Variants in DAB1 observed in about 807,000 individuals in gnomAD.
DAB1 encodes DAB adaptor protein 1.
DAB1 carries 15 observed loss-of-function variants against 64.6 expected under a neutral mutation model. That is an observed-to-expected ratio of 0.23 (90% confidence interval 0.16 to 0.36). The LOEUF (loss-of-function observed/expected upper bound fraction) is 0.36, where lower values mean the gene tolerates loss of function less well. DAB1 is among the 10% of genes least tolerant of loss of function. The pLI is 1.00. For missense variants in DAB1, 596 were observed against 706.7 expected, an observed-to-expected ratio of 0.84 and a Z score of 1.78; for synonymous variants, 235 against 251.9, an observed-to-expected ratio of 0.93 and a Z score of 0.64.
intron 5 of DAB1, among the ~76,000 whole-genome samples, chr1:58,007,114 C>T (rs183650045): frequency 2.0e-5 from 3 of 152,250 alleles, no homozygotes; most frequent in Admixed American, 6.5e-5. Flanking sequence ...ACAATTCAAG[C>T]GCTTTCTTTT....
At chr1:57,027,862 C>G (rs1433911562) in intron 9 of DAB1, among the ~76,000 whole-genome samples, 1 of 152,160 alleles carries the variant, frequency 6.6e-6, no homozygotes, top group Admixed American at 6.5e-5. Context: ...TTCTTTCCAG[C>G]TGCACAATAA....
At position 57,877,554 on chromosome 1, in the gene DAB1, T is replaced by A. The variant is rs200877917; in HGVS notation, n.87+6445A>T. On this transcript the variant is annotated intron_variant and non_coding_transcript_variant, in intron 1 of 1. Coordinates refer to the DAB1 transcript ENST00000477280. The stretch of plus-strand genomic sequence containing the variant: ...AAATCCTAATTGATTTATTTTTTTT[T>A]TTTTTTTTTTTTTTTTTGAGACGGA... Among the ~76,000 whole-genome samples the A allele has an allele frequency of 0.012, 284 of 23,486 alleles. 77 individuals carry two copies. The East Asian group carries it at 0.14, about 12-fold the overall frequency. The allele number at this position is 23,486 out of a possible 152,430, so 15.4% of individuals were successfully genotyped here.
intron 3 of DAB1, among the ~76,000 whole-genome samples, chr1:58,502,022 C>T (rs996551071): frequency 4.6e-5 from 7 of 151,506 alleles, no homozygotes; most frequent in Non-Finnish European, 1.0e-4. Flanking sequence ...CTATTTATTT[C>T]ACATCACCTA....
At chr1:57,138,192 T>G (rs1658291982) in intron 3 of DAB1, among the ~76,000 whole-genome samples, 1 of 152,198 alleles carries the variant, frequency 6.6e-6, no homozygotes. Context: ...CCATTCATTC[T>G]CAAGCACGTC....
chr1:58,252,847 C>T (rs1186407781), intron 4 of DAB1, among the ~76,000 whole-genome samples: 3 of 152,178 alleles, frequency 2.0e-5, no homozygotes, highest in Non-Finnish European at 2.9e-5. Flanking sequence ...AAGCACTTAT[C>T]CAATTGAGAC....
intron 6 of DAB1, among the ~76,000 whole-genome samples, chr1:57,747,653 C>G (rs984811487): frequency 2.6e-5 from 4 of 151,502 alleles, no homozygotes; most frequent in Non-Finnish European, 5.9e-5. Flanking sequence ...ACTAAAAATA[C>G]AAAAAATTAG....
intron 3 of DAB1, among the ~76,000 whole-genome samples, chr1:58,490,777 G>A (rs1645667725): frequency 6.6e-6 from 1 of 150,792 alleles, no homozygotes; most frequent in African/African-American, 2.4e-5. Flanking sequence ...AAGAGAGTGG[G>A]GGCCAATAGT....
intron 7 of DAB1, among the ~76,000 whole-genome samples, chr1:57,490,836 G>A (rs1644153834): frequency 6.6e-6 from 1 of 152,200 alleles, no homozygotes. Flanking sequence ...AAGGTAGAGA[G>A]TTGATACAAA....
intron 4 of DAB1, among the ~76,000 whole-genome samples, chr1:58,310,947 A>C (rs1202990713): frequency 1.3e-5 from 2 of 151,764 alleles, no homozygotes; most frequent in African/African-American, 2.4e-5. Flanking sequence ...CAGGTGAAAA[A>C]CACTCCCTCT....
At chr1:58,042,576 G>A (rs1557623144) in intron 5 of DAB1, among the ~76,000 whole-genome samples, 3 of 152,176 alleles carry the variant, frequency 2.0e-5, no homozygotes, top group South Asian at 4.1e-4. Context: ...AAACACAAAG[G>A]AAAAGGAGGG....
chr1:57,983,754 C>G (rs899310305), intron 5 of DAB1, among the ~76,000 whole-genome samples: 3 of 152,170 alleles, frequency 2.0e-5, no homozygotes, highest in Non-Finnish European at 4.4e-5. Context: ...TTTCTAAAAT[C>G]TCCTTGCAGA....
chr1:58,507,072 G>C (rs1448247545), intron 2 of DAB1, among the ~76,000 whole-genome samples: 1 of 151,798 alleles, frequency 6.6e-6, no homozygotes, highest in Non-Finnish European at 1.5e-5. Flanking sequence ...AGTGGAGAGG[G>C]AGCAACACTT....
intron 6 of DAB1, among the ~76,000 whole-genome samples, chr1:57,816,979 C>T (rs552887215): frequency 4.9e-4 from 74 of 152,230 alleles, no homozygotes; most frequent in African/African-American, 1.6e-3. Flanking sequence ...TCCCTCAAGA[C>T]GAAATTATCT....
rs528921142 is a variant in DAB1, at chr1:57,121,222, G to A, written c.306+15321C>T. On this transcript the variant is annotated intron_variant, in intron 4 of 14. Coordinates refer to ENST00000371236, the MANE Select transcript of DAB1 (RefSeq NM_001365792.1). ...AGAAGGAGAAGAAGGAGAAGGAGGG[G>A]AAGGGGAAGAAGAAGAGGAAGAGGA... Among the ~76,000 whole-genome samples the A allele has an allele frequency of 4.3e-4, 65 of 151,094 alleles. 1 individual carries two copies. The highest frequency in any genetic ancestry group is 9.8e-4 in the East Asian group (5 of 5,126).
intron 2 of DAB1, among the ~76,000 whole-genome samples, chr1:57,256,612 G>A (rs561190687): frequency 2.8e-4 from 42 of 152,200 alleles, no homozygotes; most frequent in African/African-American, 9.6e-4. Context: ...CAACTTTCTA[G>A]ACACCACAGA....
chr1:57,666,714 T>C (rs1646451777), intron 6 of DAB1, among the ~76,000 whole-genome samples: 1 of 152,194 alleles, frequency 6.6e-6, no homozygotes, highest in African/African-American at 2.4e-5. Flanking sequence ...CCATTTCTCA[T>C]GCTGTGACTC....
chr1:57,061,282 T>C (rs1027271794), intron 9 of DAB1, among the ~76,000 whole-genome samples: 1 of 150,358 alleles, frequency 6.7e-6, no homozygotes, highest in African/African-American at 2.5e-5. Flanking sequence ...GAAATGGACA[T>C]TGATCAGAAA....
intron 6 of DAB1, among the ~76,000 whole-genome samples, chr1:57,678,883 C>T (rs929480219): frequency 1.3e-5 from 2 of 151,594 alleles, no homozygotes; most frequent in African/African-American, 4.9e-5. Flanking sequence ...TCTCCTGCCA[C>T]AGCCTCCTGA....
intron 5 of DAB1, among the ~76,000 whole-genome samples, chr1:58,011,794 C>A (rs992463426): frequency 6.6e-6 from 1 of 152,112 alleles, no homozygotes; most frequent in African/African-American, 2.4e-5. Flanking sequence ...CGGGTTCAAG[C>A]GATTCTCCTG....
Sources: gnomAD v4.1 joint callset for allele counts (sites outside exome capture counted in the v4.1 genomes callset) on GRCh38, gnomAD v4.1.1 for gene constraint, MANE v1.5 for transcripts, NCBI Gene and HGNC (gene_info 2026-07-23, HGNC 2026-07-21) for gene names.